Variants in TPRG1 observed in about 807,000 individuals in gnomAD.
TPRG1 encodes the protein tumor protein p63 regulated 1.
Under a neutral mutation model 29.3 loss-of-function variants are expected in TPRG1, and 29 were observed. The ratio of observed to expected loss-of-function variants is 0.99; its 90% CI spans 0.74 to 1.35. The LOEUF (loss-of-function observed/expected upper bound fraction) is 1.35. Among genes scored for constraint, TPRG1 ranks in the 40% most tolerant of loss-of-function variants. The pLI is 0.00. For synonymous variants in TPRG1, 130 were observed against 116.8 expected (o/e 1.11, Z -0.73); for missense variants, 327 against 335.0 (o/e 0.98, Z 0.19).
At chr3:189,011,406 A>G (rs2152122781) in intron 3 of TPRG1, among the ~76,000 whole-genome samples, 1 of 152,288 alleles carries the variant, frequency 6.6e-6, no homozygotes, top group South Asian at 2.1e-4. Context: ...GTTCATTTTC[A>G]TGCTGCTGAA....
At chr3:189,106,431 C>T (rs1380338127) in intron 1 of TPRG1, among the ~76,000 whole-genome samples, 1 of 152,116 alleles carries the variant, frequency 6.6e-6, no homozygotes, top group Non-Finnish European at 1.5e-5. Context: ...TTGGGTCACC[C>T]ATCATAATTT....
At chr3:189,273,112 C>T (rs1715510357) in intron 4 of TPRG1, among the ~76,000 whole-genome samples, 1 of 152,166 alleles carries the variant, frequency 6.6e-6, no homozygotes, top group South Asian at 2.1e-4. Context: ...ATCAGCTCCT[C>T]TAATCAGCTC....
chr3:189,020,941 A>G (rs1713267700), intron 3 of TPRG1, among the ~76,000 whole-genome samples: 1 of 128,550 alleles, frequency 7.8e-6, no homozygotes. Flanking sequence ...TATATTTAGG[A>G]TAGTTAGCTC....
At chr3:189,121,220 C>G (rs796270049) in intron 1 of TPRG1, 1 of 152,122 alleles carries the variant, frequency 6.6e-6, no homozygotes, top group Non-Finnish European at 1.5e-5. Flanking sequence ...AGTAAATAAT[C>G]TAATTTACGT....
intron 3 of TPRG1, among the ~76,000 whole-genome samples, chr3:189,218,225 T>G (rs1331081103): frequency 6.6e-6 from 1 of 152,006 alleles, no homozygotes; most frequent in Non-Finnish European, 1.5e-5. Context: ...ACCATTCTCC[T>G]GCCTCAGCCT....
At chr3:189,154,499 T>A (rs1233242924) in intron 5 of TPRG1, among the ~76,000 whole-genome samples, 3 of 151,332 alleles carry the variant, frequency 2.0e-5, no homozygotes, top group Non-Finnish European at 4.4e-5. Context: ...TGGAGTGCAA[T>A]GGTGCGATCT....
rs969575699 is a variant in TPRG1, at chr3:189,322,971, T to C, written c.*2151T>C. On this transcript the variant is annotated 3_prime_UTR_variant, in exon 6 of 6. Coordinates refer to ENST00000345063, the MANE Select transcript of TPRG1 (RefSeq NM_198485.4). ...TTCACATTTTGTAAAAACTGTCATA[T>C]ATAGGCTATCCCCTTAATTGATAAA... 1 of 152,132 alleles carries C rather than the reference T, an allele frequency of 6.6e-6. No homozygotes were observed. The highest frequency in any genetic ancestry group is 1.5e-5 in the Non-Finnish European group (1 of 68,006). The allele number at this position is 152,132 out of a possible 1,614,324, so 9.4% of individuals were successfully genotyped here. A position where few individuals can be genotyped will look rare whatever the true frequency, so the allele number is the denominator to read the frequency against.
Position 189,150,842 on chromosome 3 carries a change from G to A in TPRG1, c.-40G>A, listed in dbSNP as rs376696416. 6 of 152,290 alleles carry A rather than the reference G, an allele frequency of 3.9e-5. No homozygotes were observed. In the East Asian group the frequency reaches 1.2e-3, roughly 29 times the overall value. 9.4% of individuals were successfully genotyped at this position (152,290 alleles called of 1,614,324 possible). A position where few individuals can be genotyped will look rare whatever the true frequency, so the allele number is the denominator to read the frequency against. Reference sequence around the variant, plus strand: ...CCAGCTCCACGACTCCCTGAGGGCAGAGATGAGCAGATGTTAATGGATAAA... The same window carrying A: ...CCAGCTCCACGACTCCCTGAGGGCAAAGATGAGCAGATGTTAATGGATAAA... On this transcript the variant is annotated 5_prime_UTR_variant, in exon 5 of 7. Coordinates refer to the TPRG1 transcript ENST00000412373.
At chr3:189,061,750 C>T (rs1407210852) in intron 4 of TPRG1, among the ~76,000 whole-genome samples, 1 of 152,132 alleles carries the variant, frequency 6.6e-6, no homozygotes, top group Non-Finnish European at 1.5e-5. Flanking sequence ...CCATCTCATG[C>T]CAGTCAGACT....
intron 4 of TPRG1, among the ~76,000 whole-genome samples, chr3:189,057,358 A>G (rs1715767149): frequency 6.6e-6 from 1 of 152,168 alleles, no homozygotes. Flanking sequence ...GAAAGAGAAG[A>G]TTTTTAGATT....
intron 4 of TPRG1, among the ~76,000 whole-genome samples, chr3:189,242,811 T>A (rs1740828373): frequency 6.6e-6 from 1 of 152,120 alleles, no homozygotes; most frequent in Non-Finnish European, 1.5e-5. Context: ...GTGTTTATCA[T>A]AATTTTTTCT....
At chr3:189,297,534 G>T (rs1720156139) in intron 4 of TPRG1, among the ~76,000 whole-genome samples, 1 of 152,068 alleles carries the variant, frequency 6.6e-6, no homozygotes, top group Non-Finnish European at 1.5e-5. Flanking sequence ...GATCACCTGG[G>T]AGCTCATTAG....
chr3:189,311,599 G>T (rs1022457917), intron 5 of TPRG1, among the ~76,000 whole-genome samples: 3 of 152,094 alleles, frequency 2.0e-5, no homozygotes, highest in Non-Finnish European at 4.4e-5. Context: ...TAGATGAAAT[G>T]ACCTCGAATC....
chr3:189,258,675 C>A (rs1712385519), intron 4 of TPRG1, among the ~76,000 whole-genome samples: 1 of 152,210 alleles, frequency 6.6e-6, no homozygotes, highest in East Asian at 1.9e-4. Context: ...ATTGGGGCTG[C>A]TGCCTTTCTT....
At chr3:189,064,979 A>G (rs1006840139) in intron 4 of TPRG1, among the ~76,000 whole-genome samples, 3 of 152,270 alleles carry the variant, frequency 2.0e-5, no homozygotes, top group African/African-American at 7.2e-5. Context: ...GCTTGAGATT[A>G]GGAGTTTGAG....
At chr3:189,254,497 T>C (rs887196505) in intron 4 of TPRG1, among the ~76,000 whole-genome samples, 1 of 152,188 alleles carries the variant, frequency 6.6e-6, no homozygotes, top group African/African-American at 2.4e-5. Context: ...TTGTCTTGGC[T>C]ATATGGGCTC....
chr3:189,183,801 T>C (rs1730558250), intron 1 of TPRG1, among the ~76,000 whole-genome samples: 1 of 151,896 alleles, frequency 6.6e-6, no homozygotes, highest in African/African-American at 2.4e-5. Context: ...CCACATTTCA[T>C]ATTGTTTAAA....
At chr3:189,085,526 C>G (rs912005844) in intron 4 of TPRG1, among the ~76,000 whole-genome samples, 1 of 151,954 alleles carries the variant, frequency 6.6e-6, no homozygotes, top group Non-Finnish European at 1.5e-5. Flanking sequence ...GTTTGCTTCC[C>G]TAACAGGAGA....
chr3:189,164,095 G>C (rs952855477), intron 5 of TPRG1, among the ~76,000 whole-genome samples: 1 of 152,048 alleles, frequency 6.6e-6, no homozygotes, highest in African/African-American at 2.4e-5. Context: ...TAAAAGAGAA[G>C]ATTCTTTTAT....
Sources: gnomAD v4.1 joint callset for allele counts (sites outside exome capture counted in the v4.1 genomes callset) on GRCh38, gnomAD v4.1.1 for gene constraint, MANE v1.5 for transcripts, NCBI Gene and HGNC (gene_info 2026-07-23, HGNC 2026-07-21) for gene names.